The following EBF1 variants were observed in gnomAD, a reference collection of about 807,000 sequenced individuals.
The protein encoded by EBF1 is EBF transcription factor 1.
Under a neutral mutation model 68.4 loss-of-function variants are expected in EBF1, and 10 were observed. The ratio of observed to expected loss-of-function variants is 0.15; its 90% CI spans 0.09 to 0.25. EBF1 has a LOEUF of 0.25. EBF1 is among the 10% of genes least tolerant of loss of function. EBF1 has a pLI of 1.00. For missense variants in EBF1, 509 were observed against 794.4 expected (o/e 0.64, Z 4.32); for synonymous variants, 298 against 299.8 (o/e 0.99, Z 0.06).
intron 6 of EBF1, among the ~76,000 whole-genome samples, chr5:159,001,592 C>T (rs1207248220): frequency 6.6e-6 from 1 of 152,116 alleles, no homozygotes. Context: ...ACATACTAAC[C>T]CCCTCTAATA....
At chr5:158,862,007 T>C (rs1795040707) in intron 6 of EBF1, among the ~76,000 whole-genome samples, 1 of 152,232 alleles carries the variant, frequency 6.6e-6, no homozygotes, top group Admixed American at 6.5e-5. Flanking sequence ...TTTTACTCCA[T>C]AACATTTCAT....
intron 10 of EBF1, among the ~76,000 whole-genome samples, chr5:158,735,413 A>G (rs963052930): frequency 6.6e-6 from 1 of 152,232 alleles, no homozygotes; most frequent in Non-Finnish European, 1.5e-5. Context: ...TTACTGGTAG[A>G]AAGATATTTA....
chr5:158,989,990 T>A (rs1200679346), intron 6 of EBF1, among the ~76,000 whole-genome samples: 1 of 152,156 alleles, frequency 6.6e-6, no homozygotes, highest in East Asian at 1.9e-4. Flanking sequence ...ATGAGTGTTA[T>A]GAGACATGCA....
intron 5 of EBF1, among the ~76,000 whole-genome samples, chr5:159,078,822 A>T (rs539423497): frequency 3.3e-5 from 5 of 152,340 alleles, no homozygotes; most frequent in African/African-American, 1.2e-4. Context: ...TCCAGAGAAA[A>T]GCGAACTTAT....
At chr5:159,086,461 T>C (rs1045449142) in intron 4 of EBF1, among the ~76,000 whole-genome samples, 1 of 152,194 alleles carries the variant, frequency 6.6e-6, no homozygotes, top group African/African-American at 2.4e-5. Context: ...TCCTTTAATA[T>C]GGAACATTTC....
intron 6 of EBF1, among the ~76,000 whole-genome samples, chr5:158,991,115 A>C (rs1760229594): frequency 6.6e-6 from 1 of 152,318 alleles, no homozygotes; most frequent in South Asian, 2.1e-4. Context: ...GCAATACACT[A>C]CTGAACTTTG....
At chr5:158,913,416 T>C (rs956521295) in intron 6 of EBF1, among the ~76,000 whole-genome samples, 3 of 152,206 alleles carry the variant, frequency 2.0e-5, no homozygotes, top group African/African-American at 7.2e-5. Flanking sequence ...CACACGTCAG[T>C]GGGCTTGAAT....
At chr5:158,957,184 A>G (rs951718094) in intron 6 of EBF1, among the ~76,000 whole-genome samples, 4 of 152,244 alleles carry the variant, frequency 2.6e-5, no homozygotes, top group African/African-American at 9.6e-5. Context: ...CCCATTTTAC[A>G]GATGAGAAAA....
At chr5:158,855,907 CA>C (rs1793910087) in intron 6 of EBF1, among the ~76,000 whole-genome samples, 1 of 152,240 alleles carries the variant, frequency 6.6e-6, no homozygotes, top group South Asian at 2.1e-4. Context: ...GCTCCAAACA[CA>C]CGCACTTGTT....
chr5:158,717,096 T>C (rs1307139154), intron 11 of EBF1, among the ~76,000 whole-genome samples: 1 of 152,254 alleles, frequency 6.6e-6, no homozygotes, highest in Non-Finnish European at 1.5e-5. Flanking sequence ...ATTTATTGTA[T>C]ATTGCACTTA....
chr5:159,012,301 A>G (rs1764830852), intron 6 of EBF1, among the ~76,000 whole-genome samples: 1 of 151,760 alleles, frequency 6.6e-6, no homozygotes, highest in Non-Finnish European at 1.5e-5. Context: ...AAAAAAAGAA[A>G]AAAGAAAAGA....
chr5:158,889,581 C>T (rs1800759446), intron 6 of EBF1, among the ~76,000 whole-genome samples: 1 of 152,198 alleles, frequency 6.6e-6, no homozygotes, highest in Non-Finnish European at 1.5e-5. Flanking sequence ...ATTCTAGCCT[C>T]TGTTATCCCT....
intron 9 of EBF1, among the ~76,000 whole-genome samples, chr5:158,785,004 C>G (rs1777139701): frequency 6.6e-6 from 1 of 152,090 alleles, no homozygotes; most frequent in Non-Finnish European, 1.5e-5. Flanking sequence ...TCTGGGGACC[C>G]TAAAGCACTT....
At chr5:158,711,307 A>G (rs1759214780) in intron 14 of EBF1, among the ~76,000 whole-genome samples, 1 of 152,160 alleles carries the variant, frequency 6.6e-6, no homozygotes, top group Non-Finnish European at 1.5e-5. Context: ...CTTTATGAAT[A>G]ATTATGAAGG....
In EBF1 at chr5:158,867,096, T is replaced by A. The variant is rs1796060170; in HGVS notation, c.555-26986A>T. 2.0e-5 allele frequency among the ~76,000 whole-genome samples: 3 copies of A among 151,892 alleles called. No individual in the cohort carries two copies. In the South Asian group the frequency reaches 6.2e-4, roughly 32 times the overall value. ...AACCATGACAGTCCCATAAAAGTGG[T>A]CAATGTTAATTTCAAATTTGTTGTA... On this transcript the variant is annotated intron_variant, in intron 6 of 15. Coordinates refer to ENST00000313708, the MANE Select transcript of EBF1 (RefSeq NM_024007.5).
chr5:159,097,409 T>G, intron 1 of EBF1: 1 of 482,114 alleles, frequency 2.1e-6, no homozygotes, highest in Non-Finnish European at 3.7e-6. Flanking sequence ...GAGATGAAAC[T>G]CTATAAGCAT....
At chr5:159,031,924 T>C (rs1439952511) in intron 6 of EBF1, among the ~76,000 whole-genome samples, 2 of 151,150 alleles carry the variant, frequency 1.3e-5, no homozygotes, top group Non-Finnish European at 3.0e-5. Context: ...GTGGGTGCAG[T>C]TGCAAATCAG....
intron 10 of EBF1, among the ~76,000 whole-genome samples, chr5:158,744,617 G>A (rs1194096365): frequency 6.6e-6 from 1 of 152,156 alleles, no homozygotes; most frequent in Non-Finnish European, 1.5e-5. Context: ...ATAACTCCCA[G>A]TAAAAAGATA....
intron 9 of EBF1, among the ~76,000 whole-genome samples, chr5:158,780,066 A>G (rs1029733114): frequency 6.6e-6 from 1 of 152,212 alleles, no homozygotes; most frequent in Non-Finnish European, 1.5e-5. Flanking sequence ...GACACATGAT[A>G]TTGATGCTTA....
Sources: gnomAD v4.1 joint callset for allele counts (sites outside exome capture counted in the v4.1 genomes callset) on GRCh38, gnomAD v4.1.1 for gene constraint, MANE v1.5 for transcripts, NCBI Gene and HGNC (gene_info 2026-07-23, HGNC 2026-07-21) for gene names.